Variants in TTC28 observed in about 807,000 individuals in gnomAD.
TTC28 encodes the protein tetratricopeptide repeat domain 28, also known as tetratricopeptide repeat protein 28.
TTC28 carries 61 observed loss-of-function variants against 198.0 expected under a neutral mutation model. That is an observed-to-expected ratio of 0.31 (90% CI 0.25 to 0.38). The LOEUF (loss-of-function observed/expected upper bound fraction) is 0.38, where lower values mean the gene tolerates loss of function less well. Among genes scored for constraint, TTC28 ranks in the 10% least tolerant of loss-of-function variants. The pLI is 1.00. For missense variants in TTC28, 2,678 were observed against 3,164.0 expected, an observed-to-expected ratio of 0.85 and a Z score of 3.69; for synonymous variants, 1,171 against 1,297.8, an observed-to-expected ratio of 0.90 and a Z score of 2.10.
At chr22:28,350,134 A>G (rs1225085925) in intron 2 of TTC28, among the ~76,000 whole-genome samples, 4 of 152,194 alleles carry the variant, frequency 2.6e-5, no homozygotes, top group Non-Finnish European at 4.4e-5. Context: ...CTTCCTACAC[A>G]TATTTTACAT....
intron 5 of TTC28, among the ~76,000 whole-genome samples, chr22:28,285,190 G>A (rs2044658926): frequency 6.6e-6 from 1 of 152,178 alleles, no homozygotes; most frequent in Middle Eastern, 3.4e-3. Context: ...AAAAATATAT[G>A]TACAATGAAA....
chr22:28,445,803 T>C (rs1452027794), intron 2 of TTC28, among the ~76,000 whole-genome samples: 1 of 151,934 alleles, frequency 6.6e-6, no homozygotes, highest in African/African-American at 2.4e-5. Flanking sequence ...CACTGTTCCT[T>C]TCTACCCTAC....
intron 2 of TTC28, among the ~76,000 whole-genome samples, chr22:28,361,012 C>T (rs1176312346): frequency 1.3e-5 from 2 of 152,184 alleles, no homozygotes; most frequent in Admixed American, 6.5e-5. Flanking sequence ...TGTGTTCTGA[C>T]TACTCCACCA....
At chr22:28,491,420 A>G (rs1345058274) in intron 2 of TTC28, among the ~76,000 whole-genome samples, 1 of 152,214 alleles carries the variant, frequency 6.6e-6, no homozygotes, top group Admixed American at 6.5e-5. Context: ...CAAGAAAAAA[A>G]CAAACAACCC....
At chr22:28,206,586 T>C (rs931936082) in intron 5 of TTC28, among the ~76,000 whole-genome samples, 3 of 152,172 alleles carry the variant, frequency 2.0e-5, no homozygotes, top group South Asian at 2.1e-4. Context: ...AATATGTCCC[T>C]TGTAGTAGAT....
At chr22:28,475,169 AAAAG>A (rs1453498513) in intron 2 of TTC28, among the ~76,000 whole-genome samples, 3 of 150,276 alleles carry the variant, frequency 2.0e-5, no homozygotes, top group East Asian at 1.9e-4. Flanking sequence ...AAAAAAAAAA[AAAAG>A]AAAGAAAAGA....
chr22:28,133,988 G>A (rs1176149768), intron 6 of TTC28, among the ~76,000 whole-genome samples: 5 of 152,220 alleles, frequency 3.3e-5, no homozygotes, highest in Non-Finnish European at 7.3e-5. Context: ...ACCTCACGCG[G>A]CCAGGTACCC....
intron 2 of TTC28, among the ~76,000 whole-genome samples, chr22:28,546,392 G>C (rs540407088): frequency 1.1e-3 from 167 of 152,290 alleles, no homozygotes; most frequent in African/African-American, 3.8e-3. Context: ...GTTGCAGTGA[G>C]CCGAGAGGGC....
At chr22:28,398,351 G>A (rs2046849448) in intron 2 of TTC28, among the ~76,000 whole-genome samples, 1 of 152,174 alleles carries the variant, frequency 6.6e-6, no homozygotes, top group Non-Finnish European at 1.5e-5. Flanking sequence ...GAGATGGAGA[G>A]GGAGCCAGAA....
intron 2 of TTC28, among the ~76,000 whole-genome samples, chr22:28,560,869 G>T (rs1301471139): frequency 6.6e-6 from 1 of 151,078 alleles, no homozygotes; most frequent in African/African-American, 2.4e-5. Context: ...TGATTCTCCT[G>T]CCTCAGCCTC....
At chr22:28,323,568 A>G (rs947813759) in intron 2 of TTC28, among the ~76,000 whole-genome samples, 1 of 152,210 alleles carries the variant, frequency 6.6e-6, no homozygotes, top group Admixed American at 6.5e-5. Context: ...TAGAACATAG[A>G]GAGACAAAAG....
intron 5 of TTC28, among the ~76,000 whole-genome samples, chr22:28,182,039 G>C (rs1923749442): frequency 6.6e-6 from 1 of 151,966 alleles, no homozygotes; most frequent in African/African-American, 2.4e-5. Flanking sequence ...AAATATTAGA[G>C]AGTCGAGTTT....
chr22:28,419,696 G>C (rs1474710798), intron 2 of TTC28, among the ~76,000 whole-genome samples: 1 of 152,142 alleles, frequency 6.6e-6, no homozygotes, highest in African/African-American at 2.4e-5. Context: ...GCTCAATTAT[G>C]AGCAAACTGA....
In TTC28 at chr22:27,983,845, G is replaced by C; in HGVS notation, c.5822C>G (p.Thr1941Ser). The part of the protein sequence containing the change: ...LQSLLSLFDS[T>S]ELPKRLSLDS... ...AAGGCTGAGGCGCTTGGGTAGCTCA[G>C]TAGAATCTAAGCACAAAACACAAGG... Residue 1941 changes from threonine (T) to serine (S), a missense_variant, in exon 23 of 23, where the codon ACT (threonine) becomes AGT (serine). Around this residue, in one of 8 missense-constraint regions of TTC28, gnomAD observed 314 missense variants for 442.7 expected, o/e 0.71. Coordinates refer to ENST00000397906, the MANE Select transcript of TTC28 (RefSeq NM_001145418.2). 6.5e-7 allele frequency: 1 copy of C among 1,549,122 alleles called. No individual in the cohort carries two copies. Among genetic ancestry groups the C allele is most frequent in the Non-Finnish European group, 8.7e-7 (1 of 1,146,298 alleles).
At chr22:28,458,402 T>C (rs765122878) in intron 2 of TTC28, among the ~76,000 whole-genome samples, 110 of 152,308 alleles carry the variant, frequency 7.2e-4, no homozygotes, top group Non-Finnish European at 1.5e-3. Context: ...CACTCTGAAA[T>C]GGGTCAATTT....
chr22:28,013,914 TG>T (rs1193355865), intron 14 of TTC28, among the ~76,000 whole-genome samples: 1 of 152,112 alleles, frequency 6.6e-6, no homozygotes, highest in Non-Finnish European at 1.5e-5. Context: ...ATCACTCTGT[TG>T]GGCAGGCTGG....
chr22:28,566,304 C>G (rs1037528155), intron 2 of TTC28, among the ~76,000 whole-genome samples: 2 of 152,128 alleles, frequency 1.3e-5, no homozygotes, highest in African/African-American at 4.8e-5. Flanking sequence ...AGGGACGACC[C>G]TGTAGCAGTT....
chr22:28,437,218 G>A (rs1478541339), intron 2 of TTC28, among the ~76,000 whole-genome samples: 4 of 152,080 alleles, frequency 2.6e-5, no homozygotes, highest in African/African-American at 4.8e-5. Context: ...GAGTTGCTGG[G>A]TTAACAAGCA....
chr22:28,603,538 C>A (rs2050677738), intron 2 of TTC28, among the ~76,000 whole-genome samples: 1 of 152,120 alleles, frequency 6.6e-6, no homozygotes, highest in Non-Finnish European at 1.5e-5. Flanking sequence ...CAGCTACATG[C>A]CACCATACCA....
Sources: gnomAD v4.1 joint callset for allele counts (sites outside exome capture counted in the v4.1 genomes callset) on GRCh38, gnomAD v4.1.1 for gene constraint, gnomAD v4.1.1 regional missense constraint, MANE v1.5 for transcripts, NCBI Gene and HGNC (gene_info 2026-07-23, HGNC 2026-07-21) for gene names.